Variants in MCUR1 observed in about 807,000 individuals in gnomAD.
MCUR1 encodes the protein MCU regulator 1.
MCUR1 carries 37 observed loss-of-function variants against 42.0 expected under a neutral mutation model. That is an observed-to-expected ratio of 0.88 (90% CI 0.68 to 1.16). The LOEUF is 1.16. Ranked by LOEUF, MCUR1 falls within the 50% of genes most tolerant of loss-of-function variation. The pLI is 0.00. For missense variants in MCUR1, 469 were observed against 468.4 expected, an observed-to-expected ratio of 1.00 and a Z score of -0.01; for synonymous variants, 229 against 196.2, an observed-to-expected ratio of 1.17 and a Z score of -1.40.
At chr6:13,794,345 G>GA (rs1178334706) in intron 6 of MCUR1, among the ~76,000 whole-genome samples, 1 of 152,050 alleles carries the variant, frequency 6.6e-6, no homozygotes, top group African/African-American at 2.4e-5. Context: ...GATGTCTTTA[G>GA]GTCCCTCCCA....
rs1290107993 is a variant in MCUR1, at chr6:13,789,808, G to C, written c.*1001C>G. The C allele has an allele frequency of 6.6e-6, 1 of 152,126 alleles. No individual in the cohort carries two copies. The highest frequency in any genetic ancestry group is 1.5e-5 in the Non-Finnish European group (1 of 68,036). The allele number at this position is 152,126 out of a possible 1,614,324, so 9.4% of individuals were successfully genotyped here. A position where few individuals can be genotyped will look rare whatever the true frequency, so the allele number is the denominator to read the frequency against. The stretch of plus-strand genomic sequence containing the variant: ...GATTATTACAGTTCTCAAATCATGA[G>C]GGAAAGAGATGGAGAAGAGGGAGGG... On this transcript the variant is annotated 3_prime_UTR_variant, in exon 9 of 9. Transcript: ENST00000379170.
At chr6:13,803,484 T>A (rs1760039171) in intron 2 of MCUR1, among the ~76,000 whole-genome samples, 1 of 152,228 alleles carries the variant, frequency 6.6e-6, no homozygotes, top group South Asian at 2.1e-4. Flanking sequence ...TATAAGAATT[T>A]CAGAAGAATC....
intron 1 of MCUR1, 127 bp downstream of exon 1, chr6:13,813,888 C>T: frequency 2.0e-6 from 2 of 1,022,424 alleles, no homozygotes; most frequent in Non-Finnish European, 2.5e-6. Context: ...GGGCAGATGC[C>T]GGTGGCCTTG....
chr6:13,798,948 GA>G (rs768157416), intron 5 of MCUR1, 44 bp from the exon 6 acceptor site: 1 of 1,216,350 alleles, frequency 8.2e-7, no homozygotes, highest in South Asian at 1.2e-5. Flanking sequence ...TCCAAAGTAA[GA>G]AACCCAAACT....
rs747395967 is a variant in MCUR1 at position 13,798,862 on chromosome 6, TG to T, written c.825del (p.Phe275LeufsTer3). ...IKVRTDTKLDFNLEKSRVKEL... is the reference protein window; with the variant it reads ...IKVRTDTKLDXNLEKSRVKEL... ...TCTTTTACTCTGCTCTTTTCTAGGT[TG>T]AAGTCTAATTTGGTATCTGTTCGGA... On this transcript the variant is annotated frameshift_variant, in exon 6 of 9. Transcript: ENST00000379170. LOFTEE classifies it high-confidence loss of function. The T allele has an allele frequency of 6.2e-7, 1 of 1,611,524 alleles. No individual in the cohort carries two copies. Among genetic ancestry groups the T allele is most frequent in the Non-Finnish European group, 8.5e-7 (1 of 1,177,986 alleles).
At chr6:13,806,825 G>T (rs1488623879) in intron 2 of MCUR1, 100 bp downstream of exon 2, 53 of 1,283,082 alleles carry the variant, frequency 4.1e-5, no homozygotes, top group Admixed American at 7.5e-5. Context: ...ATAAAAAATA[G>T]AAGTCAAAGA....
At position 13,802,364 on chromosome 6, in the gene MCUR1, C is replaced by G. The variant is rs757089420; in HGVS notation, c.536-18G>C. On this transcript the variant is annotated intron_variant, in intron 2 of 8. Coordinates refer to ENST00000379170, the MANE Select transcript of MCUR1 (RefSeq NM_001031713.4). ...AGCAAACCCTAAGCAAGCACACAAG[C>G]AAAAAAAATCATGCTCAGAGTTACA... The G allele has an allele frequency of 6.3e-7, 1 of 1,585,366 alleles. No homozygotes were observed. Among genetic ancestry groups the G allele is most frequent in the East Asian group, 2.2e-5 (1 of 44,574 alleles).
In MCUR1 at chr6:13,787,888, G is replaced by A. The variant is rs1210680040; in HGVS notation, c.*2921C>T. On this transcript the variant is annotated 3_prime_UTR_variant, in exon 9 of 9. Transcript: ENST00000379170. Reference sequence around the variant, plus strand: ...ACTTATTTATTTATTTTGAGACAGAGTCTCACTGTGTCGCCCAGGCAGATC... The same window carrying A: ...ACTTATTTATTTATTTTGAGACAGAATCTCACTGTGTCGCCCAGGCAGATC... 1.3e-5 allele frequency: 2 copies of A among 152,150 alleles called. No homozygotes were observed. The highest frequency in any genetic ancestry group is 2.9e-5 in the Non-Finnish European group (2 of 68,066). The allele number at this position is 152,150 out of a possible 1,614,324, so 9.4% of individuals were successfully genotyped here.
At position 13,800,375 on chromosome 6, in the gene MCUR1, T is replaced by C; in HGVS notation, c.749A>G (p.Lys250Arg). Residue 250 changes from lysine to arginine, a missense_variant, in exon 5 of 9, where the codon AAA becomes AGA. Lys to Arg is a conservative substitution (Grantham distance 26). Coordinates refer to ENST00000379170, the MANE Select transcript of MCUR1 (RefSeq NM_001031713.4). ...SALRAENEKI[K>R]LELHQLKQQV... ...TTGTTTTAACTGATGTAGTTCGAGT[T>C]TTATTTTCTAAAAACACATAAAAAA... 1 of 1,541,530 alleles carries C rather than the reference T, an allele frequency of 6.5e-7. No homozygotes were observed. The highest frequency in any genetic ancestry group is 1.9e-5 in the Admixed American group (1 of 52,018).
intron 3 of MCUR1, 34 bp downstream of exon 3, chr6:13,802,209 G>T: frequency 6.5e-7 from 1 of 1,532,578 alleles, no homozygotes; most frequent in Non-Finnish European, 9.0e-7. Context: ...CATCTTCACA[G>T]TCCTAATTTG....
intron 5 of MCUR1, 96 bp downstream of exon 5, chr6:13,800,245 G>T: frequency 2.4e-6 from 2 of 817,404 alleles, no homozygotes; most frequent in Non-Finnish European, 3.8e-6. Flanking sequence ...ATTTCACAAA[G>T]AATTAAGTTT....
At chr6:13,793,263 C>T (rs1051884076) in intron 7 of MCUR1, among the ~76,000 whole-genome samples, 7 of 152,064 alleles carry the variant, frequency 4.6e-5, no homozygotes, top group Non-Finnish European at 7.4e-5. Flanking sequence ...CACTCCACTT[C>T]TGCATATATA....
At chr6:13,801,914 G>A (rs1584986734) in intron 3 of MCUR1, among the ~76,000 whole-genome samples, 1 of 152,186 alleles carries the variant, frequency 6.6e-6, no homozygotes. Flanking sequence ...GTTACCAAGT[G>A]AATCACAGCT....
At chr6:13,808,442 C>T (rs780308651) in intron 1 of MCUR1, among the ~76,000 whole-genome samples, 6 of 152,104 alleles carry the variant, frequency 3.9e-5, no homozygotes, top group African/African-American at 9.7e-5. Flanking sequence ...CCCATTCTGT[C>T]GGTTGTCTTT....
intron 2 of MCUR1, among the ~76,000 whole-genome samples, chr6:13,804,691 G>A (rs1760077538): frequency 1.3e-5 from 2 of 150,848 alleles, no homozygotes; most frequent in Admixed American, 1.3e-4. Context: ...TCGGAAGCCT[G>A]AGGCAGGAGA....
At chr6:13,806,540 TTGA>T (rs1259151273) in intron 2 of MCUR1, among the ~76,000 whole-genome samples, 1 of 152,194 alleles carries the variant, frequency 6.6e-6, no homozygotes, top group Non-Finnish European at 1.5e-5. Flanking sequence ...CTCCATTCTA[TTGA>T]TGAAGCAAAA....
At chr6:13,812,461 A>ACACT (rs754467260) in intron 1 of MCUR1, among the ~76,000 whole-genome samples, 8 of 152,236 alleles carry the variant, frequency 5.3e-5, no homozygotes, top group Non-Finnish European at 1.2e-4. Context: ...GTGAGAAAGA[A>ACACT]CACTCTCTTT....
chr6:13,803,815 T>A, intron 2 of MCUR1: 2 of 985,416 alleles, frequency 2.0e-6, no homozygotes, highest in South Asian at 4.7e-5. Context: ...ACTAAACTTT[T>A]GCCAAATTTT....
chr6:13,796,139 GGTAA>G (rs1476889471), intron 6 of MCUR1, among the ~76,000 whole-genome samples: 3 of 151,724 alleles, frequency 2.0e-5, no homozygotes, highest in South Asian at 2.1e-4. Context: ...ATAAAATCAG[GGTAA>G]GTATTTTGAG....
Sources: allele counts gnomAD v4.1 joint callset (sites outside exome capture counted in the v4.1 genomes callset), GRCh38; gene constraint gnomAD v4.1.1; transcripts MANE v1.5; gene names NCBI Gene and HGNC (gene_info 2026-07-23, HGNC 2026-07-21).